KLHL1: variants seen among roughly 807,000 people sequenced by gnomAD.
The protein encoded by KLHL1 is kelch like family member 1, also known as kelch-like protein 1.
In KLHL1, 47 loss-of-function variants were observed where a neutral mutation model predicts 77.7. The observed-to-expected ratio is 0.60, with a 90% CI of 0.48 to 0.77. The LOEUF (loss-of-function observed/expected upper bound fraction) is 0.77, where lower values mean the gene tolerates loss of function less well. Among genes scored for constraint, KLHL1 ranks in the 30% least tolerant of loss-of-function variants. The pLI, the probability that KLHL1 is intolerant of heterozygous loss-of-function variation, is 0.00. For synonymous variants in KLHL1, 360 were observed against 325.2 expected (o/e 1.11, Z -1.15); for missense variants, 925 against 910.8 (o/e 1.02, Z -0.20).
chr13:69,964,968 A>G (rs1191616165), intron 2 of KLHL1, among the ~76,000 whole-genome samples: 6 of 152,162 alleles, frequency 3.9e-5, no homozygotes, highest in African/African-American at 1.4e-4. Flanking sequence ...CCCCACAAAA[A>G]AAAATACAGG....
Position 70,012,489 on chromosome 13 carries a change from G to A in KLHL1, c.498-36687C>T, listed in dbSNP as rs957263007. Among the ~76,000 whole-genome samples, 13 of 152,052 alleles carry A rather than the reference G, an allele frequency of 8.5e-5. No homozygotes were observed. The South Asian group carries it at 2.5e-3, about 29-fold the overall frequency. On this transcript the variant is annotated intron_variant, in intron 1 of 10. Coordinates refer to ENST00000377844, the MANE Select transcript of KLHL1 (RefSeq NM_020866.3). ...TCTCCTTCCTATGAACTCCAGGAAC[G>A]CCATTTAAGGGGGCTTGTTTGGCAG...
Position 69,916,393 on chromosome 13 carries a change from T to G in KLHL1, c.1014+23647A>C, listed in dbSNP as rs1277775249. 9.2e-5 allele frequency among the ~76,000 whole-genome samples: 14 copies of G among 152,058 alleles called. No homozygotes were observed. In the East Asian group the frequency reaches 2.7e-3, roughly 29 times the overall value. On this transcript the variant is annotated intron_variant, in intron 4 of 10. Transcript: ENST00000377844. ...AAGAAAATGTGGCACATATACACCA[T>G]GGAATACTATGCAGCCATAAAAAAT... is the stretch of plus-strand genomic sequence containing the variant.
chr13:69,863,163 T>C (rs1455016017), intron 5 of KLHL1, among the ~76,000 whole-genome samples: 2 of 152,148 alleles, frequency 1.3e-5, no homozygotes, highest in Non-Finnish European at 2.9e-5. Context: ...TATGTAGTTG[T>C]ATTGGCATTT....
chr13:69,882,188 G>A (rs1359732847), intron 5 of KLHL1, 95 bp downstream of exon 5: 1 of 829,010 alleles, frequency 1.2e-6, no homozygotes. Context: ...ATTTAAAAAT[G>A]TGAATACCTA....
intron 9 of KLHL1, among the ~76,000 whole-genome samples, chr13:69,708,559 G>A (rs1010890105): frequency 3.9e-5 from 6 of 152,076 alleles, no homozygotes; most frequent in Admixed American, 3.3e-4. Context: ...GTGAGGGAAA[G>A]ACTAGTAATT....
intron 6 of KLHL1, among the ~76,000 whole-genome samples, chr13:69,808,860 G>T (rs1877738289): frequency 7.8e-6 from 1 of 128,518 alleles, no homozygotes; most frequent in South Asian, 2.4e-4. Context: ...AGTTGTATTG[G>T]AAAGAACCAA....
chr13:70,022,281 T>TGTG (rs67661890), intron 1 of KLHL1, among the ~76,000 whole-genome samples: 3,843 of 134,668 alleles, frequency 0.029, 94 homozygotes, highest in African/African-American at 0.077. Context: ...ACGTGTGTGT[T>TGTG]TGTGTGTGTG....
chr13:69,887,406 AC>A (rs915096913), intron 4 of KLHL1, among the ~76,000 whole-genome samples: 2 of 152,102 alleles, frequency 1.3e-5, no homozygotes, highest in Non-Finnish European at 2.9e-5. Flanking sequence ...TTCATTTTTT[AC>A]AACAGGGCCA....
intron 8 of KLHL1, among the ~76,000 whole-genome samples, chr13:69,733,166 A>G (rs1873623541): frequency 1.3e-5 from 2 of 152,118 alleles, no homozygotes; most frequent in Non-Finnish European, 2.9e-5. Context: ...ATGTTAACTA[A>G]TATAAACACA....
chr13:69,707,370 T>C (rs529380321), intron 10 of KLHL1, among the ~76,000 whole-genome samples: 1 of 152,142 alleles, frequency 6.6e-6, no homozygotes, highest in East Asian at 1.9e-4. Context: ...AGATTCTGTT[T>C]CTTGTTGTGG....
chr13:70,073,114 T>C (rs1157981360), intron 1 of KLHL1, among the ~76,000 whole-genome samples: 2 of 152,180 alleles, frequency 1.3e-5, no homozygotes, highest in East Asian at 1.9e-4. Flanking sequence ...TGCACATGTA[T>C]GTTTATTGCA....
At chr13:69,724,813 A>C (rs907233687) in intron 8 of KLHL1, among the ~76,000 whole-genome samples, 7 of 152,180 alleles carry the variant, frequency 4.6e-5, no homozygotes, top group Non-Finnish European at 5.9e-5. Context: ...AAAACTCAAC[A>C]AGCTTGGATA....
intron 5 of KLHL1, among the ~76,000 whole-genome samples, chr13:69,846,926 G>A (rs916006021): frequency 1.3e-5 from 2 of 151,322 alleles, no homozygotes; most frequent in African/African-American, 4.8e-5. Flanking sequence ...AAAATAGGAT[G>A]CATCATTCAA....
chr13:69,812,544 G>C (rs1455914526), intron 6 of KLHL1, among the ~76,000 whole-genome samples: 3 of 152,110 alleles, frequency 2.0e-5, no homozygotes, highest in Non-Finnish European at 4.4e-5. Context: ...GCAACCTACA[G>C]AATGGGAGAA....
intron 3 of KLHL1, among the ~76,000 whole-genome samples, chr13:69,949,844 A>G (rs1883648892): frequency 6.6e-6 from 1 of 151,568 alleles, no homozygotes; most frequent in Non-Finnish European, 1.5e-5. Context: ...TGACATTTAA[A>G]TTTTACTGCA....
intron 3 of KLHL1, among the ~76,000 whole-genome samples, chr13:69,958,311 C>G (rs1054919753): frequency 1.3e-5 from 2 of 151,686 alleles, no homozygotes; most frequent in African/African-American, 4.8e-5. Context: ...TCTGAAAAAC[C>G]TGATCTCATT....
intron 1 of KLHL1, among the ~76,000 whole-genome samples, chr13:70,067,272 G>A (rs543984665): frequency 3.1e-4 from 47 of 152,322 alleles, no homozygotes; most frequent in Non-Finnish European, 5.4e-4. Context: ...TTTATTGTAT[G>A]TAATACATTG....
intron 3 of KLHL1, among the ~76,000 whole-genome samples, chr13:69,952,313 A>T (rs768514114): frequency 2.6e-5 from 4 of 151,442 alleles, no homozygotes; most frequent in Non-Finnish European, 5.9e-5. Context: ...GCATGGATCT[A>T]TCAGGAATAA....
rs552265769 is a variant in KLHL1 at position 69,848,955 on chromosome 13, A to G, written c.1228-9793T>C. Among the ~76,000 whole-genome samples, 7 of 151,724 alleles carry G rather than the reference A, an allele frequency of 4.6e-5. No homozygotes were observed. In the South Asian group the frequency reaches 1.2e-3, roughly 27 times the overall value. Reference sequence around the variant, plus strand: ...TTTGATTAACTTTTATTTATTTAACATGGGTTTACTGTTCCATATTTTGAA... The same window carrying G: ...TTTGATTAACTTTTATTTATTTAACGTGGGTTTACTGTTCCATATTTTGAA... On this transcript the variant is annotated intron_variant, in intron 5 of 10. Transcript: ENST00000377844.
Sources: allele counts gnomAD v4.1 joint callset (sites outside exome capture counted in the v4.1 genomes callset), GRCh38; gene constraint gnomAD v4.1.1; transcripts MANE v1.5; gene names NCBI Gene and HGNC (gene_info 2026-07-23, HGNC 2026-07-21).